The following ARHGAP39 variants were observed in gnomAD, a reference collection of about 807,000 sequenced individuals.
ARHGAP39 encodes the protein Rho GTPase activating protein 39.
ARHGAP39 carries 44 observed loss-of-function variants against 106.9 expected under a neutral mutation model. The ratio of observed to expected loss-of-function variants is 0.41; its 90% CI spans 0.32 to 0.53. The LOEUF (loss-of-function observed/expected upper bound fraction) is 0.53. ARHGAP39 is among the 20% of genes least tolerant of loss of function. The pLI is 0.21. For synonymous variants in ARHGAP39, 768 were observed against 693.2 expected (o/e 1.11, Z -1.69); for missense variants, 1,496 against 1,577.3 (o/e 0.95, Z 0.87).
intron 3 of ARHGAP39, among the ~76,000 whole-genome samples, chr8:144,569,132 T>C (rs535944524): frequency 6.6e-6 from 1 of 152,322 alleles, no homozygotes; most frequent in South Asian, 2.1e-4. Flanking sequence ...GATACCATGC[T>C]AACATGAATC....
At chr8:144,561,537 T>G (rs1818158293) in intron 3 of ARHGAP39, among the ~76,000 whole-genome samples, 1 of 151,790 alleles carries the variant, frequency 6.6e-6, no homozygotes, top group Non-Finnish European at 1.5e-5. Context: ...CCCCAGTGGT[T>G]TCCATCACAC....
chr8:144,690,048 A>G (rs1453981875), upstream of ARHGAP39, among the ~76,000 whole-genome samples: 1 of 150,748 alleles, frequency 6.6e-6, no homozygotes, highest in Non-Finnish European at 1.5e-5. Context: ...CACCAGGCCT[A>G]TTTTTAATTT....
At chr8:144,617,886 A>T (rs538459230) in intron 1 of ARHGAP39, among the ~76,000 whole-genome samples, 1 of 152,092 alleles carries the variant, frequency 6.6e-6, no homozygotes, top group Non-Finnish European at 1.5e-5. Flanking sequence ...GGCTCAAATG[A>T]TGCTCCAGCC....
Position 144,620,721 on chromosome 8 carries a change from C to G in ARHGAP39, c.-81-15026G>C, listed in dbSNP as rs555912281. Among the ~76,000 whole-genome samples, 34 of 152,364 alleles carry G rather than the reference C, an allele frequency of 2.2e-4. No homozygotes were observed. The South Asian group carries it at 6.0e-3, about 27-fold the overall frequency. On this transcript the variant is annotated intron_variant, in intron 1 of 11. Transcript: ENST00000377307. Reference sequence around the variant, plus strand: ...CAGGTCCAGACCGCCCTCTCTGACCCCTGACCCAGTGGGCTGCCCTGAGCA... The same window carrying G: ...CAGGTCCAGACCGCCCTCTCTGACCGCTGACCCAGTGGGCTGCCCTGAGCA...
At position 144,656,964 on chromosome 8, in the gene ARHGAP39, T is replaced by C. The variant is rs1171040360; in HGVS notation, c.-82+28722A>G. Among the ~76,000 whole-genome samples the C allele has an allele frequency of 6.6e-5, 10 of 151,946 alleles. 1 individual carries two copies. Among genetic ancestry groups the C allele is most frequent in the African/African-American group, 1.5e-4 (6 of 41,336 alleles). On this transcript the variant is annotated intron_variant, in intron 1 of 11. Transcript: ENST00000377307. ...CTACCAAAAATCACTCACGAAGAAA[T>C]AGATAACTTGATAGCCAATGTATCT... is the stretch of plus-strand genomic sequence containing the variant.
intron 1 of ARHGAP39, among the ~76,000 whole-genome samples, chr8:144,663,672 G>A (rs1048087223): frequency 6.6e-6 from 1 of 152,140 alleles, no homozygotes; most frequent in Non-Finnish European, 1.5e-5. Flanking sequence ...TTCCCCGGGA[G>A]GCCTCCCCTA....
chr8:144,674,770 G>A (rs1051078916), intron 1 of ARHGAP39, among the ~76,000 whole-genome samples: 11 of 152,196 alleles, frequency 7.2e-5, no homozygotes, highest in African/African-American at 9.6e-5. Context: ...GTGCTCGCTC[G>A]TCGGCACCCA....
intron 1 of ARHGAP39, among the ~76,000 whole-genome samples, chr8:144,614,330 C>A (rs1820576014): frequency 1.3e-5 from 2 of 151,296 alleles, no homozygotes; most frequent in African/African-American, 2.4e-5. Context: ...TGGAAAGCTG[C>A]ATATTTTTTG....
intron 3 of ARHGAP39, among the ~76,000 whole-genome samples, chr8:144,579,548 C>T (rs2130897233): frequency 6.6e-6 from 1 of 152,268 alleles, no homozygotes; most frequent in Admixed American, 6.5e-5. Flanking sequence ...CTGATTTGCC[C>T]CACCTCCTGC....
At chr8:144,532,017 G>A (rs11248207) in intron 10 of ARHGAP39, among the ~76,000 whole-genome samples, 1 of 102,688 alleles carries the variant, frequency 9.7e-6, no homozygotes, top group Non-Finnish European at 1.8e-5. Flanking sequence ...CACAGGGCAG[G>A]GAGCAGCAGG....
chr8:144,547,655 G>T lies in ARHGAP39; in HGVS notation c.1431C>A (p.Ser477Arg), dbSNP rs754511067. The T allele has an allele frequency of 1.9e-6, 3 of 1,549,268 alleles. No homozygotes were observed. Among genetic ancestry groups the T allele is most frequent in the South Asian group, 2.3e-5 (2 of 85,156 alleles). The stretch of plus-strand genomic sequence containing the variant: ...CTGTGGAGGACAGGGTGTCCTGCTG[G>T]CTGGACCAGGACATGGCATCCTCCT... ...QAQEDAMSWS[S>R]QQDTLSSTGY... The change falls in exon 5 of 12, where the codon AGC becomes AGA. Residue 477 changes from serine (S) to arginine (R), a missense_variant. Ser to Arg is a moderately radical substitution (Grantham distance 110, BLOSUM62 -1). Around this residue, in one of 4 missense-constraint regions of ARHGAP39, gnomAD observed 905 missense variants for 816.4 expected, o/e 1.11. Transcript: ENST00000377307. This position sits in a 1 kb window ranked among gnomAD's most constrained non-coding sequence, Gnocchi z 5.2.
chr8:144,530,173 C>T lies in ARHGAP39; in HGVS notation c.*249G>A. On this transcript the variant is annotated 3_prime_UTR_variant, in exon 12 of 12. Transcript: ENST00000377307. ...GAGCTGACCCGCGGCCAGCGGAGGG[C>T]GAGGCGGTGCCCGCGGGAACTGGCC... The T allele has an allele frequency of 1.9e-6, 1 of 528,754 alleles. No individual in the cohort carries two copies. Among genetic ancestry groups the T allele is most frequent in the South Asian group, 2.5e-5 (1 of 40,248 alleles). The allele number at this position is 528,754 out of a possible 1,614,324, so 32.8% of individuals were successfully genotyped here. A position where few individuals can be genotyped will look rare whatever the true frequency, so the allele number is the denominator to read the frequency against.
chr8:144,605,430 T>C (rs1274181553), intron 2 of ARHGAP39, 105 bp downstream of exon 2: 1 of 1,240,748 alleles, frequency 8.1e-7, no homozygotes, highest in African/African-American at 1.5e-5. Context: ...GACGAATCCA[T>C]TCTCCACGGA....
At position 144,659,202 on chromosome 8, in the gene ARHGAP39, C is replaced by A. The variant is rs147214387; in HGVS notation, c.-82+26484G>T. On this transcript the variant is annotated intron_variant, in intron 1 of 11. Transcript: ENST00000377307. Reference sequence around the variant, plus strand: ...ATATACACTGTAAAGGACATAATTACTGTAATCAAAATGACAGGCAGCTAG... The same window carrying A: ...ATATACACTGTAAAGGACATAATTAATGTAATCAAAATGACAGGCAGCTAG... Among the ~76,000 whole-genome samples, 48 of 152,272 alleles carry A rather than the reference C, an allele frequency of 3.2e-4. No individual in the cohort carries two copies. The East Asian group carries it at 8.7e-3, about 28-fold the overall frequency.
At chr8:144,542,649 G>A (rs114996806) in intron 6 of ARHGAP39, among the ~76,000 whole-genome samples, 3,418 of 92,060 alleles carry the variant, frequency 0.037, 120 homozygotes, top group African/African-American at 0.13. Context: ...CCACTTCGAC[G>A]GAGTCTTGGC....
chr8:144,619,648 G>A (rs1194277694), intron 1 of ARHGAP39, among the ~76,000 whole-genome samples: 14 of 150,554 alleles, frequency 9.3e-5, no homozygotes, highest in Non-Finnish European at 8.9e-5. Flanking sequence ...GCGTGTGTCC[G>A]TGCATGAGCC....
Position 144,641,491 on chromosome 8 carries a change from G to A in ARHGAP39, c.-81-35796C>T, listed in dbSNP as rs904861328. On this transcript the variant is annotated intron_variant, in intron 1 of 11. Coordinates refer to ENST00000377307, the MANE Select transcript of ARHGAP39 (RefSeq NM_025251.3). The surrounding 1 kb of genome is among the most constrained non-coding windows in gnomAD (Gnocchi z 5.2). Reference sequence around the variant, plus strand: ...CCCAGGTGGCCAACTCCCGAGGCAGGAGCTCAGGCAGGGCCCTGGCAGCAC... The same window carrying A: ...CCCAGGTGGCCAACTCCCGAGGCAGAAGCTCAGGCAGGGCCCTGGCAGCAC... Among the ~76,000 whole-genome samples the A allele has an allele frequency of 3.3e-5, 5 of 151,712 alleles. No homozygotes were observed. The highest frequency in any genetic ancestry group is 5.9e-5 in the Non-Finnish European group (4 of 67,978).
At chr8:144,598,026 A>G (rs780957725) in intron 2 of ARHGAP39, among the ~76,000 whole-genome samples, 5 of 152,244 alleles carry the variant, frequency 3.3e-5, no homozygotes, top group Non-Finnish European at 7.3e-5. Flanking sequence ...CCCACCAGGT[A>G]GGAAGCCACG....
intron 1 of ARHGAP39, among the ~76,000 whole-genome samples, chr8:144,611,884 T>C (rs1012478785): frequency 1.3e-5 from 2 of 152,056 alleles, no homozygotes; most frequent in African/African-American, 4.8e-5. Flanking sequence ...TGGGGTGCAC[T>C]TGTATTCCCA....
Sources: allele counts gnomAD v4.1 joint callset (sites outside exome capture counted in the v4.1 genomes callset), GRCh38; gene constraint gnomAD v4.1.1; regional missense constraint gnomAD v4.1.1; non-coding constraint Gnocchi (gnomAD v3.1); transcripts MANE v1.5; gene names NCBI Gene and HGNC (gene_info 2026-07-23, HGNC 2026-07-21).